The following CTTNBP2 variants were observed in gnomAD, a reference collection of about 807,000 sequenced individuals.
CTTNBP2 encodes the protein cortactin binding protein 2.
A neutral mutation model predicts 156.9 loss-of-function variants in CTTNBP2; 108 were observed. That is an observed-to-expected ratio of 0.69 (90% CI 0.59 to 0.81). The LOEUF is 0.81. Ranked by LOEUF, CTTNBP2 falls within the 30% of genes least tolerant of loss-of-function variation. The probability of loss-of-function intolerance (pLI) is 0.00; values close to 1 mark genes in which losing one functional copy is unlikely to be tolerated. For missense variants in CTTNBP2, 1,924 were observed against 2,035.4 expected (o/e 0.95, Z 1.05); for synonymous variants, 767 against 751.8 (o/e 1.02, Z -0.33).
intron 1 of CTTNBP2, among the ~76,000 whole-genome samples, chr7:117,869,267 C>T (rs1294860159): frequency 6.6e-6 from 1 of 152,128 alleles, no homozygotes; most frequent in African/African-American, 2.4e-5. Context: ...ATATCTATAA[C>T]ATTAATTATT....
chr7:117,766,357 A>G (rs565161122), intron 9 of CTTNBP2, among the ~76,000 whole-genome samples: 2 of 152,324 alleles, frequency 1.3e-5, no homozygotes, highest in South Asian at 4.1e-4. Flanking sequence ...CACAGTTTGC[A>G]TATATGCTTC....
At chr7:117,853,778 T>C (rs1047794281) in intron 2 of CTTNBP2, among the ~76,000 whole-genome samples, 2 of 152,200 alleles carry the variant, frequency 1.3e-5, no homozygotes, top group African/African-American at 4.8e-5. Flanking sequence ...GTGTTCTCCT[T>C]ACATATATCT....
At chr7:117,825,209 C>T (rs1204836453) in intron 2 of CTTNBP2, among the ~76,000 whole-genome samples, 1 of 152,170 alleles carries the variant, frequency 6.6e-6, no homozygotes, top group Admixed American at 6.6e-5. Flanking sequence ...AGGTTTTATC[C>T]CCCATCTGTG....
chr7:117,737,102 T>A (rs1426111334), intron 14 of CTTNBP2, among the ~76,000 whole-genome samples: 3 of 152,186 alleles, frequency 2.0e-5, no homozygotes, highest in South Asian at 2.1e-4. Context: ...CCTCTCAATC[T>A]AGTTGTACTT....
At chr7:117,782,133 C>A (rs531169298) in intron 6 of CTTNBP2, among the ~76,000 whole-genome samples, 1 of 152,196 alleles carries the variant, frequency 6.6e-6, no homozygotes, top group African/African-American at 2.4e-5. Flanking sequence ...ACATTCCTAT[C>A]GGGACAGTTA....
intron 16 of CTTNBP2, among the ~76,000 whole-genome samples, chr7:117,733,095 A>T (rs541128372): frequency 3.9e-4 from 59 of 152,324 alleles, no homozygotes; most frequent in Admixed American, 3.1e-3. Context: ...TATCTCTCCA[A>T]GGAACTAGAA....
In CTTNBP2 at chr7:117,780,482, G is replaced by A. The variant is rs548301969; in HGVS notation, c.2482C>T (p.Leu828Phe). The change falls in exon 7 of 23, where the codon CTC (leucine) becomes TTC (phenylalanine). Residue 828 changes from leucine (L) to phenylalanine (F), a missense_variant. Physicochemically the swap from Leu to Phe is conservative, Grantham distance 22. Coordinates refer to ENST00000160373, the MANE Select transcript of CTTNBP2 (RefSeq NM_033427.3). ...CGATTGGTTCCAGCTTCCAACAAGA[G>A]TTTAATACATTCTTTATTTCCATTT... ...CKNGNKECIK[L>F]LLEAGTNRSV... The A allele has an allele frequency of 6.3e-7, 1 of 1,599,194 alleles. No homozygotes were observed. The highest frequency in any genetic ancestry group is 1.4e-5 in the African/African-American group (1 of 74,066).
At chr7:117,738,170 T>C (rs1795811023) in intron 14 of CTTNBP2, among the ~76,000 whole-genome samples, 1 of 152,200 alleles carries the variant, frequency 6.6e-6, no homozygotes. Context: ...GCGCTTCTGA[T>C]TTAATTGCAC....
At chr7:117,803,536 C>T (rs1437806244) in intron 3 of CTTNBP2, among the ~76,000 whole-genome samples, 1 of 151,856 alleles carries the variant, frequency 6.6e-6, no homozygotes, top group South Asian at 2.1e-4. Context: ...AAAATAAAAT[C>T]GAAATTATTT....
At chr7:117,774,032 A>T (rs1379348494) in intron 8 of CTTNBP2, among the ~76,000 whole-genome samples, 2 of 152,208 alleles carry the variant, frequency 1.3e-5, no homozygotes, top group African/African-American at 4.8e-5. Context: ...TTTCAGTTGC[A>T]GGAAACTAAC....
chr7:117,822,920 TGA>T (rs10567600), intron 2 of CTTNBP2, among the ~76,000 whole-genome samples: 10,559 of 152,298 alleles, frequency 0.069, 407 homozygotes, highest in South Asian at 0.11. Context: ...AATTAATTAC[TGA>T]GAGAGGTATT....
intron 14 of CTTNBP2, among the ~76,000 whole-genome samples, chr7:117,741,642 G>A (rs1340617799): frequency 2.6e-5 from 4 of 152,284 alleles, no homozygotes; most frequent in South Asian, 2.1e-4. Flanking sequence ...ATTTGGAGAC[G>A]ACATACCATT....
Position 117,782,894 on chromosome 7 carries a change from G to A in CTTNBP2, c.2340C>T (p.Pro780=), listed in dbSNP as rs990512056. ...VNAADKNGFT[P]LCAAAAQGHF... ...GTCCCTGAGCAGCTGCAGCACACAA[G>A]GGTGTGAAGCCATTTTTATCAGCAG... Residue 780 remains proline (P), a synonymous_variant, in exon 6 of 23, where the codon CCC becomes CCT. Coordinates refer to ENST00000160373, the MANE Select transcript of CTTNBP2 (RefSeq NM_033427.3). 2.5e-6 allele frequency: 4 copies of A among 1,613,744 alleles called. No individual in the cohort carries two copies. The African/African-American group carries it at 5.3e-5, about 22-fold the overall frequency.
intron 21 of CTTNBP2, 102 bp from the exon 22 acceptor site, chr7:117,718,221 T>G: frequency 1.4e-6 from 1 of 693,128 alleles, no homozygotes; most frequent in South Asian, 1.8e-5. Flanking sequence ...GTGTTACTCT[T>G]ATCCTCTTCC....
At chr7:117,780,907 A>C (rs1301074907) in intron 6 of CTTNBP2, among the ~76,000 whole-genome samples, 1 of 152,240 alleles carries the variant, frequency 6.6e-6, no homozygotes, top group Non-Finnish European at 1.5e-5. Flanking sequence ...ACTGGGATGA[A>C]CGGTTTAACT....
At chr7:117,834,253 C>T (rs1801794422) in intron 2 of CTTNBP2, among the ~76,000 whole-genome samples, 1 of 152,114 alleles carries the variant, frequency 6.6e-6, no homozygotes, top group South Asian at 2.1e-4. Context: ...CAGGGTTTCA[C>T]CTTTTTGGTC....
chr7:117,760,731 T>A (rs1293999203), intron 9 of CTTNBP2, 21 bp from the exon 10 acceptor site: 2 of 1,553,536 alleles, frequency 1.3e-6, no homozygotes, highest in Admixed American at 1.8e-5. Flanking sequence ...AGTAAAAGAA[T>A]TAGGAGTTAA....
Position 117,767,577 on chromosome 7 carries a change from C to G in CTTNBP2, c.2779-401G>C, listed in dbSNP as rs554308617. On this transcript the variant is annotated intron_variant, in intron 8 of 22. Coordinates refer to ENST00000160373, the MANE Select transcript of CTTNBP2 (RefSeq NM_033427.3). Reference sequence around the variant, plus strand: ...ATAACGGGATGTACTTTGCTGTCTTCTAGACTATAAATGGCTTTCCTGGTA... The same window carrying G: ...ATAACGGGATGTACTTTGCTGTCTTGTAGACTATAAATGGCTTTCCTGGTA... Among the ~76,000 whole-genome samples, 219 of 152,296 alleles carry G rather than the reference C, an allele frequency of 1.4e-3. 3 individuals carry two copies. The South Asian group carries it at 0.016, about 11-fold the overall frequency.
At chr7:117,767,278 T>G (rs1288546554) in intron 8 of CTTNBP2, 102 bp from the exon 9 acceptor site, 1 of 725,456 alleles carries the variant, frequency 1.4e-6, no homozygotes, top group Non-Finnish European at 2.5e-6. Context: ...CATCAAGAAT[T>G]CATGGCTATA....
Sources: allele counts gnomAD v4.1 joint callset (sites outside exome capture counted in the v4.1 genomes callset), GRCh38; gene constraint gnomAD v4.1.1; transcripts MANE v1.5; gene names NCBI Gene and HGNC (gene_info 2026-07-23, HGNC 2026-07-21).